MITF: variants seen among roughly 807,000 people sequenced by gnomAD.
MITF encodes microphthalmia-associated transcription factor.
Under a neutral mutation model 60.5 loss-of-function variants are expected in MITF, and 17 were observed. The ratio of observed to expected loss-of-function variants is 0.28; its 90% CI spans 0.19 to 0.42. MITF has a LOEUF of 0.42. MITF is among the 10% of genes least tolerant of loss of function. The pLI is 1.00. For synonymous variants in MITF, 260 were observed against 248.5 expected, an observed-to-expected ratio of 1.05 and a Z score of -0.43; for missense variants, 622 against 683.5, an observed-to-expected ratio of 0.91 and a Z score of 1.00.
chr3:69,906,769 T>G (rs12106907), intron 2 of MITF, among the ~76,000 whole-genome samples: 2,380 of 152,272 alleles, frequency 0.016, 28 homozygotes, highest in Middle Eastern at 0.051. Context: ...GACTATGATT[T>G]GGTTTTTGTT....
At chr3:69,860,166 C>A (rs142111588) in intron 1 of MITF, among the ~76,000 whole-genome samples, 3 of 152,214 alleles carry the variant, frequency 2.0e-5, no homozygotes, top group African/African-American at 7.2e-5. Flanking sequence ...CTCTACATAA[C>A]CTTTAATGCA....
chr3:69,824,037 TATTTGTAGCTCAGTGAGAG>T (rs1261462068), intron 1 of MITF, among the ~76,000 whole-genome samples: 1 of 152,214 alleles, frequency 6.6e-6, no homozygotes, highest in Non-Finnish European at 1.5e-5. Flanking sequence ...TGAGCAACAT[TATTTGTAGCTCAGTGAGAG>T]ATTTGATGTT....
intron 1 of MITF, among the ~76,000 whole-genome samples, chr3:69,755,321 A>G (rs1704095819): frequency 6.7e-6 from 1 of 149,872 alleles, no homozygotes; most frequent in Non-Finnish European, 1.5e-5. Context: ...TTCCTACCTT[A>G]TCTTTTCCCA....
intron 1 of MITF, among the ~76,000 whole-genome samples, chr3:69,852,304 A>G (rs2063838276): frequency 6.6e-6 from 1 of 152,216 alleles, no homozygotes; most frequent in African/African-American, 2.4e-5. Context: ...GAGCATCACT[A>G]GCACCCTTGT....
intron 1 of MITF, among the ~76,000 whole-genome samples, chr3:69,796,549 G>T (rs1481142744): frequency 7.6e-6 from 1 of 130,980 alleles, no homozygotes; most frequent in African/African-American, 2.9e-5. Flanking sequence ...GCCCAGGCCG[G>T]ACTGCGGACT....
intron 1 of MITF, among the ~76,000 whole-genome samples, chr3:69,822,331 C>T (rs562366819): frequency 1.6e-4 from 25 of 152,330 alleles, no homozygotes; most frequent in Middle Eastern, 3.4e-3. Flanking sequence ...ACAAAGCTTG[C>T]TGGCCCCTGG....
intron 1 of MITF, among the ~76,000 whole-genome samples, chr3:69,750,495 A>G (rs1412295649): frequency 1.4e-5 from 2 of 142,152 alleles, no homozygotes; most frequent in Non-Finnish European, 1.5e-5. Flanking sequence ...TTTTAACTAA[A>G]TGTATTCTGA....
rs374191241 is a variant in MITF at position 69,891,387 on chromosome 3, T to A, written c.354+12004T>A. On this transcript the variant is annotated intron_variant, in intron 2 of 9. Transcript: ENST00000352241. ...AAGCTAAGATGTTTAGAACTTAACC[T>A]CAAATGGTGGAAAGCATTGTGTAAC... 8.8e-4 allele frequency among the ~76,000 whole-genome samples: 134 copies of A among 152,304 alleles called. No homozygotes were observed. The South Asian group carries it at 0.026, about 30-fold the overall frequency.
At chr3:69,803,821 GT>G (rs77332554) in intron 1 of MITF, among the ~76,000 whole-genome samples, 524 of 140,200 alleles carry the variant, frequency 3.7e-3, no homozygotes, top group Middle Eastern at 7.6e-3. Flanking sequence ...AATAACTCAT[GT>G]TTTTTTTTTT....
At position 69,830,030 on chromosome 3, in the gene MITF, G is replaced by A. The variant is rs767601698; in HGVS notation, c.105-49104G>A. Among the ~76,000 whole-genome samples the A allele has an allele frequency of 3.9e-5, 6 of 152,118 alleles. 1 individual carries two copies. The South Asian group carries it at 8.3e-4, about 21-fold the overall frequency. ...TTTCTTTGGTTCAGCAGGAGGGACCGTGATGTGATCTTCTGGGCGATGTTT... is the reference window on the plus strand; with the variant it reads ...TTTCTTTGGTTCAGCAGGAGGGACCATGATGTGATCTTCTGGGCGATGTTT... On this transcript the variant is annotated intron_variant, in intron 1 of 9. Transcript: ENST00000352241.
chr3:69,848,203 C>T (rs931702666), intron 1 of MITF, among the ~76,000 whole-genome samples: 1 of 152,182 alleles, frequency 6.6e-6, no homozygotes, highest in Non-Finnish European at 1.5e-5. Flanking sequence ...GTGTGCTTTT[C>T]AAGTGAGGGG....
At chr3:69,931,646 A>C (rs1206991558) in intron 2 of MITF, among the ~76,000 whole-genome samples, 2 of 152,138 alleles carry the variant, frequency 1.3e-5, no homozygotes, top group African/African-American at 2.4e-5. Context: ...AGAAGCCTAC[A>C]ATGTAATAAG....
At chr3:69,778,013 G>C (rs2062502265) in intron 1 of MITF, among the ~76,000 whole-genome samples, 1 of 152,122 alleles carries the variant, frequency 6.6e-6, no homozygotes, top group African/African-American at 2.4e-5. Flanking sequence ...AAACCAATAA[G>C]GAGCAGTGTA....
At chr3:69,743,672 A>G (rs150166891) in intron 1 of MITF, among the ~76,000 whole-genome samples, 1 of 152,228 alleles carries the variant, frequency 6.6e-6, no homozygotes, top group East Asian at 1.9e-4. Context: ...GGTTTTAGAA[A>G]CCTTGTGTTC....
intron 1 of MITF, among the ~76,000 whole-genome samples, chr3:69,835,015 C>CTTTTTTTTTTTT (rs142347719): frequency 4.4e-5 from 3 of 68,538 alleles, no homozygotes; most frequent in Non-Finnish European, 8.1e-5. Flanking sequence ...GCTCTTTTAC[C>CTTTTTTTTTTTT]TTTTTTTTTT....
At chr3:69,840,578 C>A (rs527920439) in intron 1 of MITF, among the ~76,000 whole-genome samples, 1 of 151,794 alleles carries the variant, frequency 6.6e-6, no homozygotes, top group African/African-American at 2.4e-5. Flanking sequence ...TACCAAAGAG[C>A]TTTTTTTAAA....
intron 2 of MITF, among the ~76,000 whole-genome samples, chr3:69,926,825 G>A (rs933338324): frequency 2.6e-5 from 4 of 152,138 alleles, no homozygotes; most frequent in Admixed American, 2.6e-4. Flanking sequence ...AAAAAACAAA[G>A]TCCTCTCCAT....
At chr3:69,891,618 G>T (rs2064761693) in intron 2 of MITF, among the ~76,000 whole-genome samples, 1 of 152,148 alleles carries the variant, frequency 6.6e-6, no homozygotes, top group South Asian at 2.1e-4. Context: ...AAACCTGGAG[G>T]TTAATTTGTA....
rs1038571075 is a variant in MITF at position 69,959,266 on chromosome 3, A to G, written c.1032-7A>G. 5.6e-6 allele frequency: 9 copies of G among 1,613,944 alleles called. No individual in the cohort carries two copies. The East Asian group carries it at 8.9e-5, about 16-fold the overall frequency. Reference sequence around the variant, plus strand: ...AAAATATCTGTTTTCCTCCATTTTCATCGCAGAGACATGCGCTGGAACAAG... The same window carrying G: ...AAAATATCTGTTTTCCTCCATTTTCGTCGCAGAGACATGCGCTGGAACAAG... On this transcript the variant is annotated splice_region_variant and splice_polypyrimidine_tract_variant and intron_variant, in intron 8 of 9. Coordinates refer to ENST00000352241, the MANE Select transcript of MITF (RefSeq NM_001354604.2).
Sources: allele counts gnomAD v4.1 joint callset (sites outside exome capture counted in the v4.1 genomes callset), GRCh38; gene constraint gnomAD v4.1.1; transcripts MANE v1.5; gene names NCBI Gene and HGNC (gene_info 2026-07-23, HGNC 2026-07-21).